The following ZNF207 variants were observed in gnomAD, a reference collection of about 807,000 sequenced individuals.
The protein encoded by ZNF207 is BUB3-interacting and GLEBS motif-containing protein ZNF207.
ZNF207 carries 24 observed loss-of-function variants against 60.2 expected under a neutral mutation model. The ratio of observed to expected loss-of-function variants is 0.40; its 90% CI spans 0.29 to 0.56. The LOEUF (loss-of-function observed/expected upper bound fraction) is 0.56. Among genes scored for constraint, ZNF207 ranks in the 20% least tolerant of loss-of-function variants. The pLI is 0.49. For missense variants in ZNF207, 452 were observed against 636.6 expected, an observed-to-expected ratio of 0.71 and a Z score of 3.12; for synonymous variants, 236 against 194.7, an observed-to-expected ratio of 1.21 and a Z score of -1.77.
intron 2 of ZNF207, among the ~76,000 whole-genome samples, chr17:32,358,080 A>G (rs969807559): frequency 1.8e-4 from 28 of 152,154 alleles, no homozygotes; most frequent in Non-Finnish European, 2.9e-4. Context: ...TCGCCTGGCT[A>G]TATTCTAATT....
At chr17:32,358,431 C>T in intron 2 of ZNF207, 72 bp from the exon 3 acceptor site, 2 of 1,422,426 alleles carry the variant, frequency 1.4e-6, no homozygotes, top group Non-Finnish European at 9.4e-7. Context: ...ATTCTTTATA[C>T]TAAGCAGTCT....
In ZNF207 at chr17:32,369,486, T is replaced by G. The variant is rs541658377; in HGVS notation, c.1324+32T>G. 4 of 1,608,670 alleles carry G rather than the reference T, an allele frequency of 2.5e-6. No homozygotes were observed. The South Asian group carries it at 3.3e-5, about 13-fold the overall frequency. On this transcript the variant is annotated intron_variant, in intron 11 of 11. Transcript: ENST00000394670. ...CTCTTTTTATGTTTTTCATATTTAG[T>G]GGATTTTCTAAGTTCACGCATAAAA...
rs1905711308 is a variant in ZNF207, at chr17:32,377,317, A to G, written c.*7558A>G. On this transcript the variant is annotated 3_prime_UTR_variant, in exon 12 of 12. Transcript: ENST00000394670. ...AGGTGAAAAAAAAAAGATTTGCACCATCATATCCGAGTCTTTACTAATAAA... is the reference window on the plus strand; with the variant it reads ...AGGTGAAAAAAAAAAGATTTGCACCGTCATATCCGAGTCTTTACTAATAAA... The G allele has an allele frequency of 3.3e-5, 5 of 152,120 alleles. No homozygotes were observed. The highest frequency in any genetic ancestry group is 2.1e-4 in the South Asian group (1 of 4,830). The allele number at this position is 152,120 out of a possible 1,614,324, so 9.4% of individuals were successfully genotyped here.
rs772462101 is a variant in ZNF207 at position 32,357,348 on chromosome 17, A to ATTTTTTTT, written c.169-1153_169-1152insTTTTTTTT. Among the ~76,000 whole-genome samples the ATTTTTTTT allele has an allele frequency of 2.7e-3, 212 of 77,612 alleles. 2 individuals carry two copies. The highest frequency in any genetic ancestry group is 0.014 in the African/African-American group (208 of 15,012). The allele number at this position is 77,612 out of a possible 152,430, so 50.9% of individuals were successfully genotyped here. ...TATTATTATTATTATTATTATTATT[A>ATTTTTTTT]TTATTTTTTTTTTTTTTTGAGACAG... On this transcript the variant is annotated intron_variant, in intron 2 of 11. Transcript: ENST00000394670.
In ZNF207 at chr17:32,365,343, T is replaced by C. The variant is rs1905111022; in HGVS notation, c.684T>C (p.Pro228=). 1 of 1,612,076 alleles carries C rather than the reference T, an allele frequency of 6.2e-7. No homozygotes were observed. The highest frequency in any genetic ancestry group is 8.5e-7 in the Non-Finnish European group (1 of 1,178,934). ...MPGMPPGMPP[P]VPRPGIPPMT... is the part of the protein sequence containing the mutation. ...TCTTCTCTGCAGGTATGCCCCCACCTGTTCCACGTCCTGGAATTCCTCCAA... is the reference window on the plus strand; with the variant it reads ...TCTTCTCTGCAGGTATGCCCCCACCCGTTCCACGTCCTGGAATTCCTCCAA... The change falls in exon 8 of 12, where the codon CCT becomes CCC. Residue 228 remains proline, a synonymous_variant. Coordinates refer to ENST00000394670, the MANE Select transcript of ZNF207 (RefSeq NM_001098507.2).
Position 32,351,415 on chromosome 17 carries a change from T to G in ZNF207, c.42-371T>G, listed in dbSNP as rs1383365843. The G allele has an allele frequency of 3.1e-6, 4 of 1,283,148 alleles. No individual in the cohort carries two copies. The East Asian group carries it at 1.5e-4, about 48-fold the overall frequency. 79.5% of individuals were successfully genotyped at this position (1,283,148 alleles called of 1,614,324 possible). A position where few individuals can be genotyped will look rare whatever the true frequency, so the allele number is the denominator to read the frequency against. ...GTCTTCATATCTAGTGAAGTAATTGTCTTGACAGAACCTTAGGGATTTCTT... is the reference window on the plus strand; with the variant it reads ...GTCTTCATATCTAGTGAAGTAATTGGCTTGACAGAACCTTAGGGATTTCTT... On this transcript the variant is annotated intron_variant, in intron 1 of 11. Transcript: ENST00000394670.
intron 2 of ZNF207, among the ~76,000 whole-genome samples, chr17:32,354,094 G>A (rs1275397681): frequency 6.6e-6 from 1 of 151,950 alleles, no homozygotes; most frequent in Admixed American, 6.5e-5. Context: ...TTCCACCTTA[G>A]CCTCCTGAGT....
chr17:32,350,164 A>C lies in ZNF207; in HGVS notation c.-122A>C. ...GGAGCGGGGAACGAGGCCGTCGGCC[A>C]TTTTGTGTCTGCTTCCTGTGGGACG... On this transcript the variant is annotated 5_prime_UTR_variant, in exon 1 of 12. Coordinates refer to ENST00000394670, the MANE Select transcript of ZNF207 (RefSeq NM_001098507.2). The C allele has an allele frequency of 6.6e-7, 1 of 1,510,012 alleles. No individual in the cohort carries two copies. Among genetic ancestry groups the C allele is most frequent in the Non-Finnish European group, 9.2e-7 (1 of 1,092,152 alleles). The allele number at this position is 1,510,012 out of a possible 1,614,324, so 93.5% of individuals were successfully genotyped here.
In ZNF207 at chr17:32,379,262, A is replaced by G. The variant is rs538208681; in HGVS notation, c.*9503A>G. On this transcript the variant is annotated 3_prime_UTR_variant, in exon 12 of 12. Coordinates refer to ENST00000394670, the MANE Select transcript of ZNF207 (RefSeq NM_001098507.2). ...ATTATAATTTTATCTTCTAAAATTA[A>G]CTGAAATAGGACACTTTGATTAAAG... 1.6e-4 allele frequency: 24 copies of G among 152,202 alleles called. No homozygotes were observed. The highest frequency in any genetic ancestry group is 5.3e-4 in the African/African-American group (22 of 41,584). The allele number at this position is 152,202 out of a possible 1,614,324, so 9.4% of individuals were successfully genotyped here. A position where few individuals can be genotyped will look rare whatever the true frequency, so the allele number is the denominator to read the frequency against.
At chr17:32,368,121 G>A (rs1401404959) in intron 10 of ZNF207, 107 bp downstream of exon 10, 7 of 1,466,602 alleles carry the variant, frequency 4.8e-6, no homozygotes, top group Non-Finnish European at 6.4e-6. Flanking sequence ...CTGTGATCTG[G>A]TTTAATGCTC....
intron 7 of ZNF207, 68 bp downstream of exon 7, chr17:32,363,052 G>C (rs2150797056): frequency 7.1e-7 from 1 of 1,413,816 alleles, no homozygotes; most frequent in African/African-American, 1.4e-5. Context: ...TTAGACGTCT[G>C]TGGGCATTAG....
Position 32,363,077 on chromosome 17 carries a change from A to C in ZNF207, c.670+93A>C, listed in dbSNP as rs894099801. ...GTGGGCATTAGTATAATGAAATTTA[A>C]AAATTTTTGAAAGTTGCAAGTTCCT... On this transcript the variant is annotated intron_variant, in intron 7 of 11. Transcript: ENST00000394670. 10 of 1,193,640 alleles carry C rather than the reference A, an allele frequency of 8.4e-6. No individual in the cohort carries two copies. The East Asian group carries it at 2.6e-4, about 31-fold the overall frequency. The allele number at this position is 1,193,640 out of a possible 1,614,324, so 73.9% of individuals were successfully genotyped here.
rs552317277 is a variant in ZNF207, at chr17:32,374,547, C to T, written c.*4788C>T. 5.3e-5 allele frequency: 8 copies of T among 152,242 alleles called. No individual in the cohort carries two copies. Among genetic ancestry groups the T allele is most frequent in the African/African-American group, 1.2e-4 (5 of 41,546 alleles). The allele number at this position is 152,242 out of a possible 1,614,324, so 9.4% of individuals were successfully genotyped here. On this transcript the variant is annotated 3_prime_UTR_variant, in exon 12 of 12. Transcript: ENST00000394670. Reference sequence around the variant, plus strand: ...CTGCATTCTTAATCACAAACTTACGCATTGAATGTTAAGGCTAAAAGGTCA... The same window carrying T: ...CTGCATTCTTAATCACAAACTTACGTATTGAATGTTAAGGCTAAAAGGTCA...
At chr17:32,353,548 G>A (rs918703282) in intron 2 of ZNF207, among the ~76,000 whole-genome samples, 7 of 151,974 alleles carry the variant, frequency 4.6e-5, no homozygotes, top group African/African-American at 7.3e-5. Context: ...TTGGGAGGCC[G>A]AGGCTGGTGG....
At position 32,365,194 on chromosome 17, in the gene ZNF207, G is replaced by A. The variant is rs144531585; in HGVS notation, c.671-136G>A. 5 of 927,042 alleles carry A rather than the reference G, an allele frequency of 5.4e-6. No individual in the cohort carries two copies. The African/African-American group carries it at 6.6e-5, about 12-fold the overall frequency. 57.4% of individuals were successfully genotyped at this position (927,042 alleles called of 1,614,324 possible). On this transcript the variant is annotated intron_variant, in intron 7 of 11. Transcript: ENST00000394670. ...AAATTTAAGGTAAGAATGTTGCATGGGGCAAATGCCTAAGTTCCTTGGATT... is the reference window on the plus strand; with the variant it reads ...AAATTTAAGGTAAGAATGTTGCATGAGGCAAATGCCTAAGTTCCTTGGATT...
intron 2 of ZNF207, among the ~76,000 whole-genome samples, chr17:32,357,580 C>G (rs1044166664): frequency 1.3e-5 from 2 of 151,714 alleles, no homozygotes; most frequent in African/African-American, 4.8e-5. Flanking sequence ...AACTCTTGAC[C>G]TCGTGATCCG....
rs1318657730 is a variant in ZNF207, at chr17:32,378,604, ACTC to A, written c.*8846_*8848del. 6.6e-6 allele frequency: 1 copy of A among 151,958 alleles called. No individual in the cohort carries two copies. The highest frequency in any genetic ancestry group is 6.6e-5 in the Admixed American group (1 of 15,252). The allele number at this position is 151,958 out of a possible 1,614,324, so 9.4% of individuals were successfully genotyped here. On this transcript the variant is annotated 3_prime_UTR_variant, in exon 12 of 12. Coordinates refer to ENST00000394670, the MANE Select transcript of ZNF207 (RefSeq NM_001098507.2). ...ACCTTTTTAATACTGAAAGTTGACT[ACTC>A]ATCAAGAAATGTAGCTAGATTCTTT...
At position 32,373,063 on chromosome 17, in the gene ZNF207, G is replaced by T. The variant is rs573013651; in HGVS notation, c.*3304G>T. ...GGTAAGGATTAATTTTTGAGTGGCT[G>T]CTGGAATTACTTGATTTGAATACTT... On this transcript the variant is annotated 3_prime_UTR_variant, in exon 12 of 12. Coordinates refer to ENST00000394670, the MANE Select transcript of ZNF207 (RefSeq NM_001098507.2). 5.8e-5 allele frequency: 11 copies of T among 190,354 alleles called. No homozygotes were observed. Among genetic ancestry groups the T allele is most frequent in the Non-Finnish European group, 1.1e-4 (10 of 93,802 alleles). 11.8% of individuals were successfully genotyped at this position (190,354 alleles called of 1,614,324 possible). A position where few individuals can be genotyped will look rare whatever the true frequency, so the allele number is the denominator to read the frequency against.
intron 9 of ZNF207, 52 bp downstream of exon 9, chr17:32,366,809 C>T (rs779341683): frequency 6.9e-7 from 1 of 1,448,152 alleles, no homozygotes; most frequent in Non-Finnish European, 9.3e-7. Context: ...ATAACTTAAC[C>T]CTTTGGACCC....
Sources: gnomAD v4.1 joint callset for allele counts (sites outside exome capture counted in the v4.1 genomes callset) on GRCh38, gnomAD v4.1.1 for gene constraint, MANE v1.5 for transcripts, NCBI Gene and HGNC (gene_info 2026-07-23, HGNC 2026-07-21) for gene names.